CNTN4: variants seen among roughly 807,000 people sequenced by gnomAD.
The protein encoded by CNTN4 is contactin 4, also known as contactin-4.
In CNTN4, 77 loss-of-function variants were observed where a neutral mutation model predicts 122.5. The observed-to-expected ratio is 0.63, with a 90% CI of 0.52 to 0.76. The LOEUF is 0.76. Among genes scored for constraint, CNTN4 ranks in the 30% least tolerant of loss-of-function variants. CNTN4 has a pLI of 0.00. For synonymous variants in CNTN4, 512 were observed against 447.0 expected, an observed-to-expected ratio of 1.15 and a Z score of -1.83; for missense variants, 1,256 against 1,259.1, an observed-to-expected ratio of 1.00 and a Z score of 0.04.
chr3:2,365,192 C>T (rs1200330927), intron 3 of CNTN4, among the ~76,000 whole-genome samples: 1 of 152,048 alleles, frequency 6.6e-6, no homozygotes, highest in Admixed American at 6.6e-5. Flanking sequence ...CTTTTCTTCT[C>T]CTCAATGCCA....
chr3:2,229,365 C>T (rs2039400587), intron 2 of CNTN4, among the ~76,000 whole-genome samples: 1 of 152,154 alleles, frequency 6.6e-6, no homozygotes, highest in Non-Finnish European at 1.5e-5. Context: ...ACTGTTTCCA[C>T]ATCAGCTTCC....
intron 4 of CNTN4, among the ~76,000 whole-genome samples, chr3:2,579,011 A>G (rs2079818545): frequency 1.3e-5 from 2 of 152,236 alleles, no homozygotes; most frequent in African/African-American, 4.8e-5. Flanking sequence ...TGAGGTAAAT[A>G]GAGGAACTGG....
At chr3:2,193,545 G>A (rs2037691147) in intron 2 of CNTN4, among the ~76,000 whole-genome samples, 1 of 152,194 alleles carries the variant, frequency 6.6e-6, no homozygotes, top group Non-Finnish European at 1.5e-5. Flanking sequence ...GGATCTTGAA[G>A]TGGAAGATGT....
chr3:2,637,902 C>G (rs1436717863), intron 4 of CNTN4, among the ~76,000 whole-genome samples: 1 of 152,092 alleles, frequency 6.6e-6, no homozygotes, highest in Non-Finnish European at 1.5e-5. Context: ...TCATGGTTTG[C>G]AGTTTTAAAA....
chr3:2,955,107 C>T lies in CNTN4; in HGVS notation c.1358+29328C>T, dbSNP rs548538422. ...AGAGGGCAAGTCTGCCATGAAAAGT[C>T]TTATGAAACATTACAAAGTTAAATG... On this transcript the variant is annotated intron_variant, in intron 13 of 24. Transcript: ENST00000418658. 8.5e-5 allele frequency among the ~76,000 whole-genome samples: 13 copies of T among 152,160 alleles called. No individual in the cohort carries two copies. The South Asian group carries it at 2.5e-3, about 29-fold the overall frequency.
intron 5 of CNTN4, among the ~76,000 whole-genome samples, chr3:2,738,975 A>C (rs1028603372): frequency 1.3e-5 from 2 of 152,142 alleles, no homozygotes; most frequent in African/African-American, 4.8e-5. Flanking sequence ...AAACTTGAAG[A>C]AGATTTTTAA....
rs1340908033 is a variant in CNTN4 at position 2,841,760 on chromosome 3, C to A, written c.454+22179C>A. On this transcript the variant is annotated intron_variant, in intron 7 of 24. Coordinates refer to ENST00000418658, the MANE Select transcript of CNTN4 (RefSeq NM_175607.3). This position sits in a 1 kb window ranked among gnomAD's most constrained non-coding sequence, Gnocchi z 4.8. ...TATGTTTCACTCATGATAACATGATCATTTTCAGGAATTTTATTCTTCCTC... is the reference window on the plus strand; with the variant it reads ...TATGTTTCACTCATGATAACATGATAATTTTCAGGAATTTTATTCTTCCTC... 6.6e-6 allele frequency among the ~76,000 whole-genome samples: 1 copy of A among 152,154 alleles called. No individual in the cohort carries two copies. Among genetic ancestry groups the A allele is most frequent in the Admixed American group, 6.5e-5 (1 of 15,284 alleles).
intron 12 of CNTN4, among the ~76,000 whole-genome samples, chr3:2,921,426 C>A (rs550686562): frequency 2.0e-5 from 3 of 152,180 alleles, no homozygotes; most frequent in Non-Finnish European, 4.4e-5. Context: ...TTCTAGATAG[C>A]AATCCAACAG....
intron 19 of CNTN4, chr3:3,039,564 C>G (rs950480386): frequency 1.0e-5 from 2 of 196,014 alleles, no homozygotes; most frequent in East Asian, 1.2e-4. Context: ...CTCATTTACC[C>G]AAAGCACAGC....
intron 4 of CNTN4, among the ~76,000 whole-genome samples, chr3:2,571,898 G>A (rs2079438122): frequency 6.6e-6 from 1 of 152,190 alleles, no homozygotes. Context: ...ATAGTCTGGA[G>A]TGTTGCCTAC....
intron 13 of CNTN4, among the ~76,000 whole-genome samples, chr3:2,963,267 G>A (rs76202431): frequency 0.046 from 7,021 of 151,818 alleles, 324 homozygotes; most frequent in African/African-American, 0.11. Flanking sequence ...TTCAGACCTC[G>A]CTCGTATTAC....
At chr3:2,988,536 T>C in intron 14 of CNTN4, 64 bp downstream of exon 14, 2 of 1,561,618 alleles carry the variant, frequency 1.3e-6, no homozygotes, top group South Asian at 2.2e-5. Flanking sequence ...TAATGTAATC[T>C]ACCGAAGTGG....
chr3:2,475,161 G>T (rs918961035), intron 3 of CNTN4, among the ~76,000 whole-genome samples: 3 of 152,138 alleles, frequency 2.0e-5, no homozygotes, highest in Non-Finnish European at 2.9e-5. Flanking sequence ...TGACAGGTAC[G>T]AAATGGACAA....
intron 4 of CNTN4, among the ~76,000 whole-genome samples, chr3:2,596,110 A>C (rs959044376): frequency 2.0e-5 from 3 of 152,232 alleles, no homozygotes; most frequent in Admixed American, 1.3e-4. Context: ...GAATGAATAC[A>C]TATGCTTCAA....
At chr3:2,446,042 A>T (rs1373799347) in intron 3 of CNTN4, among the ~76,000 whole-genome samples, 1 of 152,190 alleles carries the variant, frequency 6.6e-6, no homozygotes. Context: ...GACTAGATGG[A>T]CAGATGAATG....
chr3:2,912,023 A>G (rs2094305519), intron 12 of CNTN4, among the ~76,000 whole-genome samples: 3 of 152,156 alleles, frequency 2.0e-5, no homozygotes, highest in African/African-American at 4.8e-5. Context: ...GCCTATCTGA[A>G]GAAAAAATGG....
Position 2,276,634 on chromosome 3 carries a change from GT to G in CNTN4, c.-144-62542del, listed in dbSNP as rs2149858861. Among the ~76,000 whole-genome samples, 2 of 152,190 alleles carry G rather than the reference GT, an allele frequency of 1.3e-5. 1 individual carries two copies. The highest frequency in any genetic ancestry group is 4.2e-4 in the South Asian group (2 of 4,816). Reference sequence around the variant, plus strand: ...GCTTTTGTTGTAAACTAACACACTGGTTACTTTCTAAAGTCATTTGCTCTTT... The same window carrying G: ...GCTTTTGTTGTAAACTAACACACTGGTACTTTCTAAAGTCATTTGCTCTTT... On this transcript the variant is annotated intron_variant, in intron 2 of 24. Transcript: ENST00000418658.
intron 16 of CNTN4, among the ~76,000 whole-genome samples, chr3:3,033,394 A>G (rs1261173695): frequency 6.6e-6 from 1 of 152,212 alleles, no homozygotes; most frequent in African/African-American, 2.4e-5. Flanking sequence ...TATAAAAGTG[A>G]TTTTTAAAAA....
intron 3 of CNTN4, among the ~76,000 whole-genome samples, chr3:2,388,305 A>G (rs959617879): frequency 6.6e-5 from 10 of 152,192 alleles, no homozygotes; most frequent in African/African-American, 2.4e-4. Flanking sequence ...AAAATGCTTA[A>G]GAAGTAAGTA....
Sources: gnomAD v4.1 joint callset for allele counts (sites outside exome capture counted in the v4.1 genomes callset) on GRCh38, gnomAD v4.1.1 for gene constraint, Gnocchi (gnomAD v3.1) non-coding constraint, MANE v1.5 for transcripts, NCBI Gene and HGNC (gene_info 2026-07-23, HGNC 2026-07-21) for gene names.